DIAPH3: variants seen among roughly 807,000 people sequenced by gnomAD.
The protein encoded by DIAPH3 is protein diaphanous homolog 3.
A neutral mutation model predicts 144.3 loss-of-function variants in DIAPH3; 117 were observed. That is an observed-to-expected ratio of 0.81 (90% confidence interval 0.70 to 0.95). The LOEUF is 0.95. Ranked by LOEUF, DIAPH3 falls within the 40% of genes least tolerant of loss-of-function variation. The probability of loss-of-function intolerance (pLI) is 0.00; values close to 1 mark genes in which losing one functional copy is unlikely to be tolerated. For missense variants in DIAPH3, 1,421 were observed against 1,412.7 expected, an observed-to-expected ratio of 1.01 and a Z score of -0.09; for synonymous variants, 519 against 488.9, an observed-to-expected ratio of 1.06 and a Z score of -0.81.
At chr13:59,994,032 T>A (rs570744731) in intron 9 of DIAPH3, among the ~76,000 whole-genome samples, 2 of 151,546 alleles carry the variant, frequency 1.3e-5, no homozygotes, top group Admixed American at 1.3e-4. Context: ...AAATGGAAAA[T>A]ACATATATGT....
chr13:59,776,944 AC>A (rs1257509470), intron 25 of DIAPH3, among the ~76,000 whole-genome samples: 1 of 146,094 alleles, frequency 6.8e-6, no homozygotes, highest in African/African-American at 2.5e-5. Context: ...AAACAAACAA[AC>A]AAACAAAAAA....
chr13:59,820,374 C>T (rs2041002337), intron 24 of DIAPH3, among the ~76,000 whole-genome samples: 1 of 151,982 alleles, frequency 6.6e-6, no homozygotes, highest in Admixed American at 6.6e-5. Context: ...TCAAGTCTAG[C>T]TATTATACCT....
chr13:59,799,048 G>A (rs1478554022), intron 25 of DIAPH3, among the ~76,000 whole-genome samples: 1 of 152,060 alleles, frequency 6.6e-6, no homozygotes. Context: ...CACTAAGAAA[G>A]AGCACGAGTG....
At chr13:60,084,019 TAG>T (rs1421756583) in intron 4 of DIAPH3, among the ~76,000 whole-genome samples, 1 of 147,976 alleles carries the variant, frequency 6.8e-6, no homozygotes, top group East Asian at 2.0e-4. Context: ...GATAGATAGA[TAG>T]ATAGATAGAT....
intron 1 of DIAPH3, 148 bp from the exon 2 acceptor site, chr13:60,133,137 T>G: frequency 1.7e-6 from 1 of 589,956 alleles, no homozygotes; most frequent in South Asian, 2.5e-5. Context: ...TATAATCGTT[T>G]TAATCTCTTT....
chr13:60,138,772 A>G (rs887429495), intron 1 of DIAPH3, among the ~76,000 whole-genome samples: 5 of 64,048 alleles, frequency 7.8e-5, no homozygotes, highest in African/African-American at 1.2e-4. Context: ...AAGGAGAAGG[A>G]GAAGGAGAAG....
chr13:60,059,244 T>C (rs2056676620), intron 4 of DIAPH3, among the ~76,000 whole-genome samples: 1 of 151,894 alleles, frequency 6.6e-6, no homozygotes, highest in Admixed American at 6.6e-5. Context: ...GAAAGGGTAG[T>C]GACTGAAACA....
chr13:60,125,759 A>C (rs1028073434), intron 2 of DIAPH3, among the ~76,000 whole-genome samples: 1 of 152,160 alleles, frequency 6.6e-6, no homozygotes, highest in Non-Finnish European at 1.5e-5. Flanking sequence ...TCAGATAGGC[A>C]ATGTAGATAG....
intron 25 of DIAPH3, among the ~76,000 whole-genome samples, chr13:59,803,800 C>A (rs1394436181): frequency 5.3e-5 from 8 of 152,148 alleles, no homozygotes; most frequent in Non-Finnish European, 5.9e-5. Context: ...GATGCCTGCA[C>A]ATAAGTGAAA....
intron 27 of DIAPH3, among the ~76,000 whole-genome samples, chr13:59,725,510 C>T (rs2035564894): frequency 1.3e-5 from 2 of 152,192 alleles, no homozygotes; most frequent in African/African-American, 4.8e-5. Context: ...CTTACTGCCA[C>T]CTTATTTACA....
chr13:60,112,193 A>C lies in DIAPH3; in HGVS notation c.214-7T>G. 7.4e-6 allele frequency: 12 copies of C among 1,613,870 alleles called. No individual in the cohort carries two copies. The highest frequency in any genetic ancestry group is 1.0e-5 in the Non-Finnish European group (12 of 1,179,974). ...TGCTGGCAAATTTGTCCAGCTACAA[A>C]GAAAGACAGAATGACACACGTGTAA... On this transcript the variant is annotated splice_region_variant and splice_polypyrimidine_tract_variant and intron_variant, in intron 2 of 27. Transcript: ENST00000400324.
rs138031217 is a variant in DIAPH3, at chr13:59,795,164, C to T, written c.3163+15624G>A. Among the ~76,000 whole-genome samples the T allele has an allele frequency of 9.2e-3, 1,402 of 152,116 alleles. 14 individuals are homozygous for T. Among genetic ancestry groups the T allele is most frequent in the South Asian group, 0.032 (153 of 4,822 alleles). ...ACGAAAGCTTCAGATTAAGAATGTA[C>T]GAGAAGCACAAGACGCAAGACTCTT... On this transcript the variant is annotated intron_variant, in intron 25 of 27. Coordinates refer to ENST00000400324, the MANE Select transcript of DIAPH3 (RefSeq NM_001042517.2).
intron 15 of DIAPH3, among the ~76,000 whole-genome samples, chr13:59,973,540 A>G (rs2050506028): frequency 2.0e-5 from 3 of 152,264 alleles, no homozygotes; most frequent in South Asian, 4.1e-4. Flanking sequence ...CTAAAATTGA[A>G]TACTAACAGA....
At chr13:59,908,185 A>C (rs2046826433) in intron 20 of DIAPH3, among the ~76,000 whole-genome samples, 1 of 151,906 alleles carries the variant, frequency 6.6e-6, no homozygotes, top group African/African-American at 2.4e-5. Context: ...CCTGGCCAAC[A>C]TAGTGAAACC....
intron 25 of DIAPH3, among the ~76,000 whole-genome samples, chr13:59,790,319 C>G (rs76553659): frequency 0.025 from 3,827 of 152,176 alleles, 110 homozygotes; most frequent in East Asian, 0.12. Context: ...TTTATTTGTA[C>G]CTTAAACACA....
chr13:60,069,082 C>A (rs551242965), intron 4 of DIAPH3, among the ~76,000 whole-genome samples: 157 of 152,276 alleles, frequency 1.0e-3, no homozygotes, highest in African/African-American at 3.6e-3. Context: ...AATGGTTGAA[C>A]TAATTCACAC....
intron 25 of DIAPH3, among the ~76,000 whole-genome samples, chr13:59,791,212 C>G (rs1400325304): frequency 6.6e-6 from 1 of 152,160 alleles, no homozygotes; most frequent in Non-Finnish European, 1.5e-5. Context: ...TCATGCAATC[C>G]TCCCACCTCA....
chr13:59,874,556 G>C (rs151306835), intron 21 of DIAPH3, among the ~76,000 whole-genome samples: 3 of 151,934 alleles, frequency 2.0e-5, no homozygotes, highest in African/African-American at 7.3e-5. Flanking sequence ...ACTCCTCAAC[G>C]CCCATAGCCC....
At chr13:59,991,328 T>C in intron 11 of DIAPH3, 54 bp from the exon 12 acceptor site, 7 of 1,214,344 alleles carry the variant, frequency 5.8e-6, no homozygotes, top group Non-Finnish European at 8.5e-6. Flanking sequence ...CAAACAACTA[T>C]AATAATATGA....
Sources: gnomAD v4.1 joint callset for allele counts (sites outside exome capture counted in the v4.1 genomes callset) on GRCh38, gnomAD v4.1.1 for gene constraint, MANE v1.5 for transcripts, NCBI Gene and HGNC (gene_info 2026-07-23, HGNC 2026-07-21) for gene names.